PTHLH: variants seen among roughly 807,000 people sequenced by gnomAD.
The protein encoded by PTHLH is parathyroid hormone-related protein.
A neutral mutation model predicts 18.6 loss-of-function variants in PTHLH; 5 were observed. The ratio of observed to expected loss-of-function variants is 0.27; its 90% confidence interval spans 0.14 to 0.56. PTHLH has a LOEUF of 0.56. Ranked by LOEUF, PTHLH falls within the 20% of genes least tolerant of loss-of-function variation. PTHLH has a pLI of 0.92. For synonymous variants in PTHLH, 90 were observed against 94.0 expected, an observed-to-expected ratio of 0.96 and a Z score of 0.25; for missense variants, 207 against 223.9, an observed-to-expected ratio of 0.92 and a Z score of 0.48.
Position 27,958,383 on chromosome 12 carries a change from T to C in PTHLH, c.*176A>G. ...GTGATAATAATAATTGGATTAGCCTTGGCAAAAAAAAAATATTCACAATGA... is the reference window on the plus strand; with the variant it reads ...GTGATAATAATAATTGGATTAGCCTCGGCAAAAAAAAAATATTCACAATGA... On this transcript the variant is annotated 3_prime_UTR_variant, in exon 6 of 6. Transcript: ENST00000545234. 1 of 421,740 alleles carries C rather than the reference T, an allele frequency of 2.4e-6. No homozygotes were observed. Among genetic ancestry groups the C allele is most frequent in the Admixed American group, 5.0e-5 (1 of 20,104 alleles). The allele number at this position is 421,740 out of a possible 1,614,324, so 26.1% of individuals were successfully genotyped here. A position where few individuals can be genotyped will look rare whatever the true frequency, so the allele number is the denominator to read the frequency against.
At chr12:27,970,682 T>C (rs2062864169) in intron 2 of PTHLH, among the ~76,000 whole-genome samples, 1 of 151,940 alleles carries the variant, frequency 6.6e-6, no homozygotes, top group South Asian at 2.1e-4. Context: ...CGCGCCGAGC[T>C]GGACGAGCGG....
At chr12:27,968,927 T>C (rs2062841111) in intron 4 of PTHLH, among the ~76,000 whole-genome samples, 1 of 152,206 alleles carries the variant, frequency 6.6e-6, no homozygotes, top group Non-Finnish European at 1.5e-5. Context: ...TAAAATTATG[T>C]CATTCATAAT....
chr12:27,970,475 T>A (rs2062860915), intron 2 of PTHLH: 1 of 151,264 alleles, frequency 6.6e-6, no homozygotes, highest in Non-Finnish European at 1.5e-5. Flanking sequence ...CCTCCCGCGC[T>A]GCCGACCCCG....
At chr12:27,969,355 C>T (rs1026560969) in intron 4 of PTHLH, 39 bp downstream of exon 4, 9 of 1,534,676 alleles carry the variant, frequency 5.9e-6, no homozygotes, top group Middle Eastern at 1.8e-4. Flanking sequence ...TCCCCCTGGC[C>T]TCCCCAACCC....
At chr12:27,969,162 G>A in intron 4 of PTHLH, 1 of 567,370 alleles carries the variant, frequency 1.8e-6, no homozygotes, top group South Asian at 2.1e-5. Context: ...TCCCTCTTAT[G>A]GAAACACACA....
chr12:27,967,683 A>C (rs1245289680), intron 4 of PTHLH, among the ~76,000 whole-genome samples: 2 of 152,244 alleles, frequency 1.3e-5, no homozygotes, highest in Non-Finnish European at 2.9e-5. Context: ...TCTATTACCC[A>C]TTAACTATGA....
chr12:27,962,217 T>C (rs911081956), intron 5 of PTHLH: 8 of 410,454 alleles, frequency 1.9e-5, no homozygotes, highest in African/African-American at 1.7e-4. Flanking sequence ...TTTTGCCTCA[T>C]AGAAACATAC....
chr12:27,965,376 A>G (rs1267438320), intron 4 of PTHLH, among the ~76,000 whole-genome samples: 1 of 152,256 alleles, frequency 6.6e-6, no homozygotes, highest in African/African-American at 2.4e-5. Flanking sequence ...AAGCCACCAC[A>G]ATAATAGGCA....
chr12:27,971,721 A>T (rs554967059), intron 2 of PTHLH, among the ~76,000 whole-genome samples: 1 of 152,070 alleles, frequency 6.6e-6, no homozygotes, highest in Non-Finnish European at 1.5e-5. Context: ...TCAGTTCATT[A>T]CTGTAAACCC....
chr12:27,971,729 C>A (rs892572082), intron 2 of PTHLH, among the ~76,000 whole-genome samples, 198 bp downstream of exon 2: 6 of 152,004 alleles, frequency 3.9e-5, no homozygotes, highest in African/African-American at 1.5e-4. Context: ...TTACTGTAAA[C>A]CCCGTACCTT....
chr12:27,972,274 AT>A (rs1381608937), intron 1 of PTHLH, among the ~76,000 whole-genome samples: 1 of 152,198 alleles, frequency 6.6e-6, no homozygotes, highest in Non-Finnish European at 1.5e-5. Context: ...AACATTATAA[AT>A]TAAGGACTGG....
intron 4 of PTHLH, among the ~76,000 whole-genome samples, chr12:27,964,093 GT>G (rs1188257338): frequency 1.3e-5 from 2 of 152,120 alleles, no homozygotes; most frequent in Non-Finnish European, 2.9e-5. Flanking sequence ...TTCCTTCCCG[GT>G]TTAAAACATA....
chr12:27,970,372 G>GCGGCGA (rs1468891315), intron 2 of PTHLH, 105 bp from the exon 3 acceptor site: 1 of 148,098 alleles, frequency 6.8e-6, no homozygotes, highest in African/African-American at 2.4e-5. Context: ...GGGGGCGGGG[G>GCGGCGA]CGGCGACGGG....
At chr12:27,961,798 C>T in intron 5 of PTHLH, 1 of 545,354 alleles carries the variant, frequency 1.8e-6, no homozygotes, top group Non-Finnish European at 3.2e-6. Flanking sequence ...GATGGGTTTG[C>T]CAGCTTAAAG....
At chr12:27,962,724 G>T in intron 5 of PTHLH, 2 of 981,902 alleles carry the variant, frequency 2.0e-6, no homozygotes, top group Non-Finnish European at 2.4e-6. Flanking sequence ...CATTTATTTT[G>T]TATGAGCTGG....
At chr12:27,968,384 C>A (rs1484739900) in intron 4 of PTHLH, among the ~76,000 whole-genome samples, 1 of 152,200 alleles carries the variant, frequency 6.6e-6, no homozygotes, top group Non-Finnish European at 1.5e-5. Flanking sequence ...TTAGATACTG[C>A]TATTTTTATT....
chr12:27,969,597 C>T lies in PTHLH; in HGVS notation c.-22-81G>A, dbSNP rs1276256299. 3 of 1,251,710 alleles carry T rather than the reference C, an allele frequency of 2.4e-6. No individual in the cohort carries two copies. The East Asian group carries it at 7.2e-5, about 30-fold the overall frequency. 77.5% of individuals were successfully genotyped at this position (1,251,710 alleles called of 1,614,324 possible). Reference sequence around the variant, plus strand: ...ACTACTCCGCTCCCCCTTTTTAGCCCGCTCTCAAAAAGCCTCTTCAACATC... The same window carrying T: ...ACTACTCCGCTCCCCCTTTTTAGCCTGCTCTCAAAAAGCCTCTTCAACATC... On this transcript the variant is annotated intron_variant, in intron 3 of 5. Transcript: ENST00000545234.
intron 1 of PTHLH, 61 bp from the exon 2 acceptor site, chr12:27,972,080 G>A (rs2062876167): frequency 7.0e-6 from 1 of 142,756 alleles, no homozygotes; most frequent in African/African-American, 2.6e-5. Context: ...TTTAATACTT[G>A]CAAGTTGTTT....
chr12:27,962,307 CA>C, intron 5 of PTHLH: 4 of 202,816 alleles, frequency 2.0e-5, no homozygotes, highest in East Asian at 1.1e-4. Flanking sequence ...GAACTAGTTC[CA>C]AAAACACCAA....
Sources: allele counts gnomAD v4.1 joint callset (sites outside exome capture counted in the v4.1 genomes callset), GRCh38; gene constraint gnomAD v4.1.1; transcripts MANE v1.5; gene names NCBI Gene and HGNC (gene_info 2026-07-23, HGNC 2026-07-21).